The following PCDHA7 variants were observed in gnomAD, a reference collection of about 807,000 sequenced individuals.
PCDHA7 encodes the protein protocadherin alpha 7.
PCDHA7 carries 37 observed loss-of-function variants against 57.2 expected under a neutral mutation model. The observed-to-expected ratio is 0.65, with a 90% CI of 0.50 to 0.85. The LOEUF is 0.85. Ranked by LOEUF, PCDHA7 falls within the 40% of genes least tolerant of loss-of-function variation. The probability of loss-of-function intolerance (pLI) is 0.00; values close to 1 mark genes in which losing one functional copy is unlikely to be tolerated. For missense variants in PCDHA7, 1,188 were observed against 1,241.8 expected, an observed-to-expected ratio of 0.96 and a Z score of 0.65; for synonymous variants, 553 against 558.8, an observed-to-expected ratio of 0.99 and a Z score of 0.15.
intron 1 of PCDHA7, among the ~76,000 whole-genome samples, chr5:140,944,593 TG>T: frequency 6.6e-6 from 1 of 152,318 alleles, no homozygotes; most frequent in South Asian, 2.1e-4. Flanking sequence ...AGAATTTCCC[TG>T]GGTAGAGTAG....
intron 1 of PCDHA7, among the ~76,000 whole-genome samples, chr5:140,973,636 T>C (rs535388717): frequency 6.6e-6 from 1 of 152,234 alleles, no homozygotes; most frequent in Non-Finnish European, 1.5e-5. Flanking sequence ...CTTGTACACA[T>C]TCTGACTGAA....
At chr5:140,963,237 G>A (rs782735845) in intron 1 of PCDHA7, among the ~76,000 whole-genome samples, 50 of 152,136 alleles carry the variant, frequency 3.3e-4, no homozygotes, top group Non-Finnish European at 6.2e-4. Flanking sequence ...CTGTTTGATG[G>A]ATTAGGTAGG....
intron 1 of PCDHA7, chr5:140,869,801 T>C: frequency 6.2e-7 from 1 of 1,612,816 alleles, no homozygotes; most frequent in African/African-American, 1.3e-5. Flanking sequence ...GTCCAAGTCT[T>C]GGATGTCAAC....
chr5:140,844,840 G>A lies in PCDHA7; in HGVS notation c.2355+8102G>A, dbSNP rs2150374183. 8.0e-5 allele frequency among the ~76,000 whole-genome samples: 12 copies of A among 149,088 alleles called. No homozygotes were observed. In the East Asian group the frequency reaches 1.9e-3, roughly 24 times the overall value. On this transcript the variant is annotated intron_variant, in intron 1 of 3. Transcript: ENST00000525929. ...TTGTCTTTTTACACGTTTGCTTCTT[G>A]TGACTGTTGGACCTGCCTGGATATT...
chr5:140,875,591 A>C, intron 1 of PCDHA7: 2 of 1,613,998 alleles, frequency 1.2e-6, no homozygotes, highest in Non-Finnish European at 1.7e-6. Context: ...GAGGAGGCCA[A>C]ACACGGCACC....
intron 1 of PCDHA7, among the ~76,000 whole-genome samples, chr5:140,949,420 G>A (rs1219049825): frequency 6.6e-6 from 1 of 151,726 alleles, no homozygotes; most frequent in African/African-American, 2.4e-5. Context: ...TCATCATTGT[G>A]TTTATCTCTT....
chr5:140,843,160 A>C lies in PCDHA7; in HGVS notation c.2355+6422A>C, dbSNP rs2150354112. The stretch of plus-strand genomic sequence containing the variant: ...CGTGGCTTTCGTATGAGCTGCAGCC[A>C]GCTGCAAGCAGCCCTCGCATCCCGT... On this transcript the variant is annotated intron_variant, in intron 1 of 3. Transcript: ENST00000525929. 3.6e-5 allele frequency: 58 copies of C among 1,596,000 alleles called. 4 individuals are homozygous for C. In the South Asian group the frequency reaches 6.1e-4, roughly 17 times the overall value.
rs548585515 is a variant in PCDHA7 at position 140,853,706 on chromosome 5, G to A, written c.2355+16968G>A. 358 of 988,170 alleles carry A rather than the reference G, an allele frequency of 3.6e-4. 28 individuals are homozygous for A. The South Asian group carries it at 0.015, about 41-fold the overall frequency. The allele number at this position is 988,170 out of a possible 1,614,324, so 61.2% of individuals were successfully genotyped here. A position where few individuals can be genotyped will look rare whatever the true frequency, so the allele number is the denominator to read the frequency against. ...TATCCTTAGACCTGCTAACGCATTA[G>A]CATTAGCAGCACCTAAGTCCTCATT... On this transcript the variant is annotated intron_variant, in intron 1 of 3. Coordinates refer to ENST00000525929, the MANE Select transcript of PCDHA7 (RefSeq NM_018910.3).
chr5:140,903,550 C>T lies in PCDHA7; in HGVS notation c.2355+66812C>T, dbSNP rs139225982. 2.6e-3 allele frequency among the ~76,000 whole-genome samples: 396 copies of T among 152,250 alleles called. 2 individuals carry two copies. The highest frequency in any genetic ancestry group is 9.3e-3 in the African/African-American group (385 of 41,564). The stretch of plus-strand genomic sequence containing the variant: ...CTTTAAACTAGAGCAAGAAACTTTT[C>T]TAATAAGTGGAATTGGGAGCTGTCT... On this transcript the variant is annotated intron_variant, in intron 1 of 3. Transcript: ENST00000525929.
intron 1 of PCDHA7, chr5:140,926,925 G>C (rs1554203816): frequency 6.4e-7 from 1 of 1,574,118 alleles, no homozygotes; most frequent in South Asian, 1.2e-5. Context: ...TTTTATGTTT[G>C]TGGGTTTCCT....
intron 1 of PCDHA7, chr5:140,967,284 A>C: frequency 6.2e-7 from 1 of 1,613,190 alleles, no homozygotes. Context: ...GAGAGTGCGC[A>C]GGACCCCGAC....
At chr5:140,967,219 C>A (rs782211026) in intron 1 of PCDHA7, 2 of 1,613,772 alleles carry the variant, frequency 1.2e-6, no homozygotes, top group East Asian at 2.2e-5. Context: ...TCCCGCGGCC[C>A]AACTACCAGC....
intron 1 of PCDHA7, chr5:140,862,885 A>C (rs782336518): frequency 3.5e-6 from 2 of 563,674 alleles, no homozygotes; most frequent in Admixed American, 3.8e-5. Flanking sequence ...TAGTGCTGGA[A>C]CGACAACTTT....
intron 1 of PCDHA7, chr5:140,875,955 T>C: frequency 6.2e-7 from 1 of 1,614,158 alleles, no homozygotes; most frequent in African/African-American, 1.3e-5. Flanking sequence ...CTGATGCGGA[T>C]ATCGGCGTAA....
At chr5:141,003,307 C>T (rs2153977029) in intron 3 of PCDHA7, among the ~76,000 whole-genome samples, 1 of 152,252 alleles carries the variant, frequency 6.6e-6, no homozygotes. Flanking sequence ...ATGAAGTGGC[C>T]AGCTACTTCC....
chr5:140,944,451 T>C (rs6878788), intron 1 of PCDHA7, among the ~76,000 whole-genome samples: 8,488 of 152,228 alleles, frequency 0.056, 701 homozygotes, highest in African/African-American at 0.18. Flanking sequence ...CCTCCCAAAG[T>C]GCTGGGATTA....
intron 1 of PCDHA7, among the ~76,000 whole-genome samples, chr5:140,912,342 TA>T (rs1371454067): frequency 9.7e-5 from 12 of 123,478 alleles, no homozygotes; most frequent in African/African-American, 4.4e-4. Context: ...GTACACTAAG[TA>T]TTTTTTTTTT....
At position 140,843,072 on chromosome 5, in the gene PCDHA7, C is replaced by G. The variant is rs2150351828; in HGVS notation, c.2355+6334C>G. 29 of 1,595,290 alleles carry G rather than the reference C, an allele frequency of 1.8e-5. 2 individuals carry two copies. Among genetic ancestry groups the G allele is most frequent in the Middle Eastern group, 1.7e-4 (1 of 5,908 alleles). On this transcript the variant is annotated intron_variant, in intron 1 of 3. Transcript: ENST00000525929. ...GCAGCGAGCAAGCTGGTGCCGCGGTCTGTGGGCGCGGGCCACGTGGTAGCG... is the reference window on the plus strand; with the variant it reads ...GCAGCGAGCAAGCTGGTGCCGCGGTGTGTGGGCGCGGGCCACGTGGTAGCG...
chr5:140,871,489 G>C (rs782277615), intron 1 of PCDHA7: 1 of 1,590,138 alleles, frequency 6.3e-7, no homozygotes, highest in Non-Finnish European at 8.6e-7. Context: ...AAATCACCCC[G>C]GACAGGTGAG....
Sources: allele counts gnomAD v4.1 joint callset (sites outside exome capture counted in the v4.1 genomes callset), GRCh38; gene constraint gnomAD v4.1.1; transcripts MANE v1.5; gene names NCBI Gene and HGNC (gene_info 2026-07-23, HGNC 2026-07-21).